The following NR3C2 variants were observed in gnomAD, a reference collection of about 807,000 sequenced individuals.
NR3C2 encodes the protein mineralocorticoid receptor.
In NR3C2, 15 loss-of-function variants were observed where a neutral mutation model predicts 86.4. That is an observed-to-expected ratio of 0.17 (90% confidence interval 0.12 to 0.27). The LOEUF (loss-of-function observed/expected upper bound fraction) is 0.27. NR3C2 is among the 10% of genes least tolerant of loss of function. The pLI is 1.00. For synonymous variants in NR3C2, 458 were observed against 450.5 expected (o/e 1.02, Z -0.21); for missense variants, 960 against 1,195.6 (o/e 0.80, Z 2.91).
At chr4:148,317,310 G>A (rs1480235097) in intron 2 of NR3C2, among the ~76,000 whole-genome samples, 3 of 149,160 alleles carry the variant, frequency 2.0e-5, no homozygotes, top group Admixed American at 1.3e-4. Context: ...AGCTGAGATC[G>A]CACCATTGCA....
chr4:148,392,589 T>TA (rs1747643840), intron 2 of NR3C2, among the ~76,000 whole-genome samples: 1 of 152,308 alleles, frequency 6.6e-6, no homozygotes, highest in African/African-American at 2.4e-5. Context: ...AGCTCTTACT[T>TA]ACTGCTCTAT....
At chr4:148,317,904 T>C (rs967572102) in intron 2 of NR3C2, among the ~76,000 whole-genome samples, 6 of 152,048 alleles carry the variant, frequency 3.9e-5, no homozygotes, top group African/African-American at 1.2e-4. Flanking sequence ...CTTTAAGTTT[T>C]AGGGTACATG....
At chr4:148,232,638 G>C (rs1184905635) in intron 3 of NR3C2, among the ~76,000 whole-genome samples, 1 of 152,198 alleles carries the variant, frequency 6.6e-6, no homozygotes, top group Non-Finnish European at 1.5e-5. Flanking sequence ...AAGAGAGTCA[G>C]CCTGTCCTTT....
intron 2 of NR3C2, among the ~76,000 whole-genome samples, chr4:148,332,788 T>C (rs1450141385): frequency 6.6e-6 from 1 of 152,206 alleles, no homozygotes; most frequent in Non-Finnish European, 1.5e-5. Context: ...TTATGGAATA[T>C]CAATTTTATT....
At chr4:148,159,250 G>A (rs183331056) in intron 4 of NR3C2, among the ~76,000 whole-genome samples, 10 of 152,106 alleles carry the variant, frequency 6.6e-5, no homozygotes, top group African/African-American at 2.4e-4. Context: ...TTTAATAAAC[G>A]TTAACAAACT....
chr4:148,084,389 A>G (rs1360683649), intron 8 of NR3C2, among the ~76,000 whole-genome samples: 2 of 152,226 alleles, frequency 1.3e-5, no homozygotes, highest in Non-Finnish European at 2.9e-5. Context: ...AGAATTTTCA[A>G]CCCAGAATTT....
intron 2 of NR3C2, among the ~76,000 whole-genome samples, chr4:148,316,468 C>A (rs1040914262): frequency 6.6e-6 from 1 of 152,086 alleles, no homozygotes; most frequent in Non-Finnish European, 1.5e-5. Context: ...CTGAATACAA[C>A]TTTCTATAAG....
chr4:148,353,856 A>G (rs1048551593), intron 2 of NR3C2, among the ~76,000 whole-genome samples: 1 of 152,152 alleles, frequency 6.6e-6, no homozygotes, highest in Admixed American at 6.6e-5. Context: ...GCCAACCCAC[A>G]TAAATAAGAA....
intron 6 of NR3C2, chr4:148,146,883 T>C (rs1373643823): frequency 6.6e-6 from 1 of 152,126 alleles, no homozygotes; most frequent in African/African-American, 2.4e-5. Context: ...AATTTTCAAA[T>C]ACCAGCCAAG....
intron 6 of NR3C2, among the ~76,000 whole-genome samples, chr4:148,128,492 G>C (rs1732858509): frequency 6.6e-6 from 1 of 152,188 alleles, no homozygotes; most frequent in South Asian, 2.1e-4. Flanking sequence ...TGTAGAACTT[G>C]GGAGCTCTAA....
At chr4:148,193,998 T>C (rs1402370757) in intron 4 of NR3C2, among the ~76,000 whole-genome samples, 1 of 152,236 alleles carries the variant, frequency 6.6e-6, no homozygotes, top group Non-Finnish European at 1.5e-5. Flanking sequence ...TTCTTGACCT[T>C]CTGTTAATCT....
chr4:148,180,908 A>T (rs1033100520), intron 4 of NR3C2, among the ~76,000 whole-genome samples: 1 of 152,172 alleles, frequency 6.6e-6, no homozygotes, highest in African/African-American at 2.4e-5. Flanking sequence ...GATTCCCAGT[A>T]TTGGCGTTGT....
chr4:148,431,022 C>T (rs1479118777), intron 2 of NR3C2, among the ~76,000 whole-genome samples: 1 of 152,048 alleles, frequency 6.6e-6, no homozygotes, highest in Non-Finnish European at 1.5e-5. Flanking sequence ...TCAATGTTAG[C>T]CCTGTGTTAT....
intron 2 of NR3C2, among the ~76,000 whole-genome samples, chr4:148,339,179 C>A (rs933916187): frequency 6.6e-6 from 1 of 152,058 alleles, no homozygotes; most frequent in African/African-American, 2.4e-5. Flanking sequence ...ACCTGGCAGA[C>A]GATCAGCCTG....
intron 2 of NR3C2, among the ~76,000 whole-genome samples, chr4:148,397,348 T>C (rs1747912588): frequency 6.6e-6 from 1 of 152,344 alleles, no homozygotes. Flanking sequence ...CAGGCAGCCT[T>C]GTGCAGTGAA....
At chr4:148,318,887 C>T (rs1046189381) in intron 2 of NR3C2, among the ~76,000 whole-genome samples, 4 of 151,056 alleles carry the variant, frequency 2.6e-5, no homozygotes, top group African/African-American at 9.8e-5. Flanking sequence ...TTAATTAGAT[C>T]CCATTTGTCA....
Position 148,194,844 on chromosome 4 carries a change from C to T in NR3C2, c.1916G>A (p.Cys639Tyr). The stretch of plus-strand genomic sequence containing the variant: ...AATGATGCAATCATTTCTTCCAGCA[C>T]ATAAATAGTTGTGTTGCCCTGATTA... The part of the protein sequence containing the change: ...RAVEGQHNYL[C>Y]AGRNDCIIDK... The change falls in exon 4 of 9, where the codon TGT becomes TAT. Residue 639 changes from cysteine to tyrosine, a missense_variant. This residue lies in a region of NR3C2 where 47 missense variants were observed against 107.3 expected (regional missense o/e 0.44). Transcript: ENST00000358102. 1 of 1,611,456 alleles carries T rather than the reference C, an allele frequency of 6.2e-7. No homozygotes were observed. The highest frequency in any genetic ancestry group is 8.5e-7 in the Non-Finnish European group (1 of 1,179,334).
At chr4:148,128,358 T>C (rs757947089) in intron 6 of NR3C2, among the ~76,000 whole-genome samples, 1 of 152,210 alleles carries the variant, frequency 6.6e-6, no homozygotes, top group African/African-American at 2.4e-5. Flanking sequence ...CTTCTAGAAG[T>C]AGTTGATTTG....
intron 6 of NR3C2, among the ~76,000 whole-genome samples, chr4:148,122,202 T>C (rs1370109407): frequency 3.9e-5 from 6 of 152,244 alleles, no homozygotes; most frequent in South Asian, 2.1e-4. Context: ...GGTGTCTTCT[T>C]TGGTGATTTG....
Sources: gnomAD v4.1 joint callset for allele counts (sites outside exome capture counted in the v4.1 genomes callset) on GRCh38, gnomAD v4.1.1 for gene constraint, gnomAD v4.1.1 regional missense constraint, MANE v1.5 for transcripts, NCBI Gene and HGNC (gene_info 2026-07-23, HGNC 2026-07-21) for gene names.